SIPA1L2: variants seen among roughly 807,000 people sequenced by gnomAD.
SIPA1L2 encodes signal induced proliferation associated 1 like 2.
SIPA1L2 carries 56 observed loss-of-function variants against 163.9 expected under a neutral mutation model. The ratio of observed to expected loss-of-function variants is 0.34; its 90% CI spans 0.28 to 0.43. SIPA1L2 has a LOEUF of 0.43. Ranked by LOEUF, SIPA1L2 falls within the 20% of genes least tolerant of loss-of-function variation. SIPA1L2 has a pLI of 1.00. For synonymous variants in SIPA1L2, 877 were observed against 865.7 expected, an observed-to-expected ratio of 1.01 and a Z score of -0.23; for missense variants, 1,974 against 2,193.5, an observed-to-expected ratio of 0.90 and a Z score of 2.00.
At chr1:232,626,414 C>A (rs1045236771) in intron 1 of SIPA1L2, among the ~76,000 whole-genome samples, 4 of 151,976 alleles carry the variant, frequency 2.6e-5, no homozygotes, top group Non-Finnish European at 4.4e-5. Flanking sequence ...AAGAACGAAC[C>A]AAGGAATTGG....
intron 1 of SIPA1L2, among the ~76,000 whole-genome samples, chr1:232,583,439 T>C (rs78580309): frequency 6.6e-6 from 1 of 152,240 alleles, no homozygotes; most frequent in African/African-American, 2.4e-5. Flanking sequence ...TAGCTTATAT[T>C]AGTTATCTTA....
intron 3 of SIPA1L2, among the ~76,000 whole-genome samples, chr1:232,505,088 G>C (rs1036754399): frequency 2.0e-5 from 3 of 152,138 alleles, no homozygotes; most frequent in Admixed American, 2.0e-4. Context: ...AAAATGAAAA[G>C]ACTGAAGAAG....
chr1:232,414,362 G>A lies in SIPA1L2; in HGVS notation c.4762+1132C>T, dbSNP rs563304014. Reference sequence around the variant, plus strand: ...GAAGCCACCATCGGGCCTCCCTAACGCATTACGCTAGTCACAGATGAGGGG... The same window carrying A: ...GAAGCCACCATCGGGCCTCCCTAACACATTACGCTAGTCACAGATGAGGGG... On this transcript the variant is annotated intron_variant, in intron 19 of 22. Transcript: ENST00000674635. Among the ~76,000 whole-genome samples the A allele has an allele frequency of 3.9e-5, 6 of 152,206 alleles. No individual in the cohort carries two copies. In the East Asian group the frequency reaches 5.8e-4, roughly 15 times the overall value.
chr1:232,477,962 C>T (rs746101373), intron 7 of SIPA1L2, among the ~76,000 whole-genome samples: 1 of 152,182 alleles, frequency 6.6e-6, no homozygotes, highest in Non-Finnish European at 1.5e-5. Flanking sequence ...TGCTAACGTA[C>T]TGACAGATTT....
intron 9 of SIPA1L2, chr1:232,462,263 C>A: frequency 1.3e-6 from 2 of 1,550,770 alleles, no homozygotes; most frequent in East Asian, 2.4e-5. Flanking sequence ...TATGACCTCA[C>A]CTATCTGTGG....
chr1:232,615,682 T>G (rs948635958), intron 1 of SIPA1L2, among the ~76,000 whole-genome samples: 2 of 152,216 alleles, frequency 1.3e-5, no homozygotes, highest in Admixed American at 1.3e-4. Flanking sequence ...CCAGTAACAT[T>G]TCTTTCGAAG....
chr1:232,542,356 A>T (rs531682674), intron 2 of SIPA1L2, among the ~76,000 whole-genome samples: 1 of 152,338 alleles, frequency 6.6e-6, no homozygotes, highest in South Asian at 2.1e-4. Context: ...CATCTATCAG[A>T]AATTACTCAC....
intron 2 of SIPA1L2, among the ~76,000 whole-genome samples, chr1:232,520,217 A>G (rs1355233085): frequency 1.3e-5 from 2 of 152,184 alleles, no homozygotes; most frequent in Non-Finnish European, 2.9e-5. Flanking sequence ...TTATTCTTGC[A>G]TTTCATAAAA....
At chr1:232,508,171 C>T (rs2103031150) in intron 3 of SIPA1L2, among the ~76,000 whole-genome samples, 1 of 152,274 alleles carries the variant, frequency 6.6e-6, no homozygotes, top group South Asian at 2.1e-4. Context: ...AACAACGTTC[C>T]CGAAGGCTCA....
chr1:232,521,379 A>G (rs113559283), intron 2 of SIPA1L2, among the ~76,000 whole-genome samples: 37 of 152,332 alleles, frequency 2.4e-4, no homozygotes, highest in African/African-American at 8.7e-4. Context: ...CAGGACCTCA[A>G]TAAAGAAACC....
intron 3 of SIPA1L2, among the ~76,000 whole-genome samples, chr1:232,502,694 A>G (rs776090796): frequency 4.5e-4 from 68 of 152,186 alleles, no homozygotes; most frequent in Non-Finnish European, 1.8e-4. Flanking sequence ...GCTGTTTACA[A>G]GCATCACACC....
At position 232,616,077 on chromosome 1, in the gene SIPA1L2, A is replaced by G. The variant is rs116696581; in HGVS notation, c.-319+13792T>C. 2.3e-3 allele frequency among the ~76,000 whole-genome samples: 346 copies of G among 152,358 alleles called. 1 individual carries two copies. Among genetic ancestry groups the G allele is most frequent in the Non-Finnish European group, 4.0e-3 (273 of 68,024 alleles). On this transcript the variant is annotated intron_variant, in intron 1 of 22. Transcript: ENST00000674635. Reference sequence around the variant, plus strand: ...TTTAGAGAGGAAGCCGCTGACTGACATACAGGCCCCATAGCCATGGAGATG... The same window carrying G: ...TTTAGAGAGGAAGCCGCTGACTGACGTACAGGCCCCATAGCCATGGAGATG...
chr1:232,539,163 C>A (rs573441093), intron 2 of SIPA1L2, among the ~76,000 whole-genome samples: 2 of 152,356 alleles, frequency 1.3e-5, no homozygotes, highest in African/African-American at 4.8e-5. Context: ...ACTACACAAA[C>A]CGCTGCAGGT....
At chr1:232,494,684 G>A (rs1171111914) in intron 3 of SIPA1L2, among the ~76,000 whole-genome samples, 2 of 152,110 alleles carry the variant, frequency 1.3e-5, no homozygotes, top group African/African-American at 2.4e-5. Context: ...GAAATGACCC[G>A]AACTTAACAC....
intron 18 of SIPA1L2, among the ~76,000 whole-genome samples, chr1:232,416,953 T>G (rs539818417): frequency 6.6e-6 from 1 of 152,312 alleles, no homozygotes; most frequent in East Asian, 1.9e-4. Flanking sequence ...TGAGGACAAG[T>G]TCTAAAAAGG....
chr1:232,510,963 G>C (rs1666953266), intron 3 of SIPA1L2, among the ~76,000 whole-genome samples: 1 of 151,966 alleles, frequency 6.6e-6, no homozygotes, highest in Admixed American at 6.6e-5. Context: ...TAATTACCTG[G>C]GGATTTCAGG....
In SIPA1L2 at chr1:232,514,363, T is replaced by G. The variant is rs768764932; in HGVS notation, c.977A>C (p.Gln326Pro). The G allele has an allele frequency of 6.2e-7, 1 of 1,613,606 alleles. No individual in the cohort carries two copies. The highest frequency in any genetic ancestry group is 8.5e-7 in the Non-Finnish European group (1 of 1,180,036). ...LERGIRPWNC[Q>P]RCFAHYDVQS... ...GACATCATAATGTGCAAAACATCGC[T>G]GACAATTCCAAGGGCGAATGCCCCT... The change falls in exon 3 of 23, where the codon CAG (glutamine) becomes CCG (proline). Residue 326 changes from glutamine to proline, a missense_variant. Physicochemically the swap from Gln to Pro is moderately conservative, Grantham distance 76. This residue lies in a region of SIPA1L2 where 607 missense variants were observed against 624.0 expected (regional missense o/e 0.97). Coordinates refer to ENST00000674635, the MANE Select transcript of SIPA1L2 (RefSeq NM_020808.5).
intron 18 of SIPA1L2, among the ~76,000 whole-genome samples, chr1:232,417,663 G>A (rs1331080030): frequency 3.9e-5 from 6 of 152,034 alleles, no homozygotes; most frequent in African/African-American, 1.4e-4. Flanking sequence ...GAAAGGTAAA[G>A]AAAGACCCTC....
At chr1:232,504,213 T>C (rs1259161400) in intron 3 of SIPA1L2, among the ~76,000 whole-genome samples, 5 of 142,364 alleles carry the variant, frequency 3.5e-5, no homozygotes, top group Non-Finnish European at 7.7e-5. Flanking sequence ...AAACAAAAAA[T>C]AACAACAACA....
Sources: allele counts gnomAD v4.1 joint callset (sites outside exome capture counted in the v4.1 genomes callset), GRCh38; gene constraint gnomAD v4.1.1; regional missense constraint gnomAD v4.1.1; transcripts MANE v1.5; gene names NCBI Gene and HGNC (gene_info 2026-07-23, HGNC 2026-07-21).